KCNMA1: variants seen among roughly 807,000 people sequenced by gnomAD.
The protein encoded by KCNMA1 is Calcium-activated potassium channel subunit alpha-1.
A neutral mutation model predicts 140.0 loss-of-function variants in KCNMA1; 29 were observed. That is an observed-to-expected ratio of 0.21 (90% CI 0.15 to 0.28). KCNMA1 has a LOEUF of 0.28. Among genes scored for constraint, KCNMA1 ranks in the 10% least tolerant of loss-of-function variants. KCNMA1 has a pLI of 1.00. For synonymous variants in KCNMA1, 612 were observed against 611.9 expected, an observed-to-expected ratio of 1.00 and a Z score of 0.00; for missense variants, 880 against 1,602.2, an observed-to-expected ratio of 0.55 and a Z score of 7.70.
intron 1 of KCNMA1, among the ~76,000 whole-genome samples, chr10:77,579,319 G>A (rs936207020): frequency 2.6e-5 from 4 of 152,302 alleles, no homozygotes; most frequent in Non-Finnish European, 5.9e-5. Context: ...AGGTGTGTGC[G>A]AAGAAGCCTG....
intron 2 of KCNMA1, among the ~76,000 whole-genome samples, chr10:77,351,598 T>C (rs1233580777): frequency 6.6e-6 from 1 of 152,198 alleles, no homozygotes; most frequent in East Asian, 1.9e-4. Flanking sequence ...ATAACCAATG[T>C]TATCCTCTGT....
At chr10:77,332,283 T>C (rs1179249814) in intron 2 of KCNMA1, among the ~76,000 whole-genome samples, 5 of 151,990 alleles carry the variant, frequency 3.3e-5, no homozygotes, top group Non-Finnish European at 5.9e-5. Flanking sequence ...AAGGAAACAT[T>C]TGAGCAAAAA....
chr10:77,230,041 C>A (rs1200783520), intron 3 of KCNMA1, among the ~76,000 whole-genome samples: 1 of 152,118 alleles, frequency 6.6e-6, no homozygotes, highest in Non-Finnish European at 1.5e-5. Flanking sequence ...AAACAATCTA[C>A]ATGTTCATTG....
At chr10:77,412,744 T>C (rs1029420015) in intron 1 of KCNMA1, among the ~76,000 whole-genome samples, 3 of 152,246 alleles carry the variant, frequency 2.0e-5, no homozygotes, top group Non-Finnish European at 4.4e-5. Context: ...CAATTTCACC[T>C]ATTATGGTTC....
At chr10:77,367,743 T>C (rs1160416332) in intron 2 of KCNMA1, among the ~76,000 whole-genome samples, 1 of 152,214 alleles carries the variant, frequency 6.6e-6, no homozygotes, top group African/African-American at 2.4e-5. Context: ...ACCACTAATC[T>C]GTCCTCTGTC....
At chr10:77,488,503 C>T (rs993003623) in intron 1 of KCNMA1, among the ~76,000 whole-genome samples, 1 of 152,190 alleles carries the variant, frequency 6.6e-6, no homozygotes, top group Admixed American at 6.5e-5. Context: ...GGTGAGGGAG[C>T]AGCTGAGCCA....
intron 2 of KCNMA1, among the ~76,000 whole-genome samples, chr10:77,378,146 T>C (rs980473006): frequency 2.0e-5 from 3 of 152,130 alleles, no homozygotes; most frequent in Non-Finnish European, 4.4e-5. Flanking sequence ...GAAGCAGCAC[T>C]GGGGGTCACT....
intron 1 of KCNMA1, among the ~76,000 whole-genome samples, chr10:77,425,408 G>A (rs896648557): frequency 6.6e-6 from 1 of 152,134 alleles, no homozygotes; most frequent in African/African-American, 2.4e-5. Context: ...CTCCCCATGT[G>A]GGCAGCAGCC....
Position 76,944,893 on chromosome 10 carries a change from C to T in KCNMA1, c.2782G>A (p.Ala928Thr). 1 of 1,613,990 alleles carries T rather than the reference C, an allele frequency of 6.2e-7. No individual in the cohort carries two copies. Among genetic ancestry groups the T allele is most frequent in the Non-Finnish European group, 8.5e-7 (1 of 1,179,946 alleles). ...GTATCATCAATATTATTCTGATTGG[C>T]TGACAGGATAACGCACATGTCACAG... Reference protein sequence around the residue: ...NLCDMCVILSANQNNIDDTSL... With the variant: ...NLCDMCVILSTNQNNIDDTSL... Residue 928 changes from alanine (A) to threonine (T), a missense_variant, in exon 23 of 28, where the codon GCC becomes ACC. By Grantham distance (58) the Ala-to-Thr change is moderately conservative. Around this residue, in one of 13 missense-constraint regions of KCNMA1, gnomAD observed 82 missense variants for 170.1 expected, o/e 0.48. Coordinates refer to ENST00000286628, the MANE Select transcript of KCNMA1 (RefSeq NM_001161352.2).
chr10:77,450,525 A>T (rs986701135), intron 1 of KCNMA1, among the ~76,000 whole-genome samples: 1 of 152,212 alleles, frequency 6.6e-6, no homozygotes, highest in African/African-American at 2.4e-5. Flanking sequence ...AATTACAGAC[A>T]TTGCTTTCTC....
At chr10:77,385,415 C>G (rs1359724332) in intron 2 of KCNMA1, among the ~76,000 whole-genome samples, 1 of 152,168 alleles carries the variant, frequency 6.6e-6, no homozygotes, top group African/African-American at 2.4e-5. Context: ...GTACTAAGTA[C>G]TTTATAAATA....
chr10:77,124,706 A>G (rs1021266611), intron 5 of KCNMA1, among the ~76,000 whole-genome samples: 2 of 152,186 alleles, frequency 1.3e-5, no homozygotes, highest in Non-Finnish European at 2.9e-5. Flanking sequence ...AAATGAGCCA[A>G]TGAAGTTCTC....
intron 3 of KCNMA1, among the ~76,000 whole-genome samples, chr10:77,216,263 AT>A (rs1430821446): frequency 6.6e-6 from 1 of 152,150 alleles, no homozygotes; most frequent in Non-Finnish European, 1.5e-5. Context: ...CTGGAATTAG[AT>A]TGCAGCGATA....
chr10:76,890,048 A>G (rs1004771376), intron 26 of KCNMA1, among the ~76,000 whole-genome samples: 11 of 152,208 alleles, frequency 7.2e-5, no homozygotes, highest in African/African-American at 1.7e-4. Flanking sequence ...ACCAGGTCCT[A>G]TGGTGACAGA....
At chr10:76,877,996 T>G (rs1051978293) in intron 29 of KCNMA1, 1 of 1,115,876 alleles carries the variant, frequency 9.0e-7, no homozygotes, top group South Asian at 1.3e-5. Context: ...AAAAAGGTAA[T>G]CGATAGAAGC....
chr10:77,139,935 C>T (rs1009120085), intron 5 of KCNMA1, among the ~76,000 whole-genome samples: 7 of 152,278 alleles, frequency 4.6e-5, no homozygotes, highest in African/African-American at 1.7e-4. Flanking sequence ...AATGCCTCTT[C>T]CAAAAATGCT....
intron 2 of KCNMA1, among the ~76,000 whole-genome samples, chr10:77,257,683 G>A (rs1753778780): frequency 6.6e-6 from 1 of 152,116 alleles, no homozygotes; most frequent in Non-Finnish European, 1.5e-5. Context: ...GGAGGGACCT[G>A]GTGGGAGGTA....
intron 1 of KCNMA1, chr10:77,636,363 G>A (rs1484312502): frequency 1.6e-5 from 25 of 1,532,602 alleles, no homozygotes; most frequent in Non-Finnish European, 2.0e-5. Flanking sequence ...CCTCAGTGCC[G>A]GTGGGCGTCT....
chr10:77,636,319 G>C lies in KCNMA1; in HGVS notation c.378+946C>G, dbSNP rs1603639267. 4.4e-5 allele frequency: 66 copies of C among 1,513,938 alleles called. No individual in the cohort carries two copies. The East Asian group carries it at 1.6e-3, about 37-fold the overall frequency. 93.8% of individuals were successfully genotyped at this position (1,513,938 alleles called of 1,614,324 possible). ...GGGACACGACTACAGACCAGGCAGT[G>C]AGCCTAGCAACCATACATCGAAGGT... On this transcript the variant is annotated intron_variant, in intron 1 of 27. Coordinates refer to ENST00000286628, the MANE Select transcript of KCNMA1 (RefSeq NM_001161352.2).
Sources: gnomAD v4.1 joint callset for allele counts (sites outside exome capture counted in the v4.1 genomes callset) on GRCh38, gnomAD v4.1.1 for gene constraint, gnomAD v4.1.1 regional missense constraint, MANE v1.5 for transcripts, NCBI Gene and HGNC (gene_info 2026-07-23, HGNC 2026-07-21) for gene names.